UFSP2: variants seen among roughly 807,000 people sequenced by gnomAD.
The protein encoded by UFSP2 is ufm1-specific protease 2.
In UFSP2, 43 loss-of-function variants were observed where a neutral mutation model predicts 60.2. That is an observed-to-expected ratio of 0.71 (90% CI 0.56 to 0.92). The LOEUF is 0.92. UFSP2 is among the 40% of genes least tolerant of loss of function. The pLI is 0.00. For missense variants in UFSP2, 520 were observed against 575.0 expected (o/e 0.90, Z 0.98); for synonymous variants, 183 against 195.1 (o/e 0.94, Z 0.52).
chr4:185,400,235 TA>T lies in UFSP2; in HGVS notation c.*156del. 1 of 733,278 alleles carries T rather than the reference TA, an allele frequency of 1.4e-6. No individual in the cohort carries two copies. The highest frequency in any genetic ancestry group is 2.2e-6 in the Non-Finnish European group (1 of 456,688). 45.4% of individuals were successfully genotyped at this position (733,278 alleles called of 1,614,324 possible). On this transcript the variant is annotated 3_prime_UTR_variant, in exon 12 of 12. Transcript: ENST00000264689. ...TCTTTTAAGTTATTAAAGGAACGTC[TA>T]AAAAATACATTCTCCGTGCAGTATT... is the stretch of plus-strand genomic sequence containing the variant.
intron 7 of UFSP2, among the ~76,000 whole-genome samples, chr4:185,408,716 A>G (rs566676236): frequency 6.6e-6 from 1 of 152,154 alleles, no homozygotes; most frequent in South Asian, 2.1e-4. Context: ...TTCGGTTCCC[A>G]TATACCAGGG....
chr4:185,402,294 A>G (rs6823895), intron 11 of UFSP2: 31,551 of 455,120 alleles, frequency 0.069, 1,945 homozygotes, highest in African/African-American at 0.23. Flanking sequence ...TATATTCAGT[A>G]AGATACATGC....
intron 9 of UFSP2, chr4:185,406,221 T>C (rs2095520221): frequency 7.3e-6 from 2 of 273,536 alleles, no homozygotes; most frequent in Non-Finnish European, 1.5e-5. Context: ...TCCTGGGTTC[T>C]TGCCTTCTTG....
intron 10 of UFSP2, among the ~76,000 whole-genome samples, chr4:185,403,988 C>A (rs6837254): frequency 0.71 from 84,695 of 120,026 alleles, 31,501 homozygotes; most frequent in East Asian, 0.92. Context: ...CAAAAAAAAA[C>A]AACATTACTT....
intron 2 of UFSP2, among the ~76,000 whole-genome samples, chr4:185,420,833 G>A (rs2095548150): frequency 6.6e-6 from 1 of 152,188 alleles, no homozygotes; most frequent in African/African-American, 2.4e-5. Context: ...ATACAATCAA[G>A]TCAGAAGACA....
At chr4:185,408,178 G>T in intron 8 of UFSP2, 93 bp downstream of exon 8, 1 of 1,539,874 alleles carries the variant, frequency 6.5e-7, no homozygotes, top group Non-Finnish European at 8.9e-7. Flanking sequence ...ACAGAAATAA[G>T]TCTGCACCAT....
Position 185,403,757 on chromosome 4 carries a change from G to A in UFSP2, c.1199-139C>T, listed in dbSNP as rs867640912. ...GCACTTTGGGAGGTGGGTGGATCAC[G>A]AGGTCAGGAGATGGAGACCATCCTG... On this transcript the variant is annotated intron_variant, in intron 10 of 11. Transcript: ENST00000264689. 1.2e-5 allele frequency: 12 copies of A among 1,018,464 alleles called. No individual in the cohort carries two copies. The African/African-American group carries it at 1.3e-4, about 11-fold the overall frequency. 63.1% of individuals were successfully genotyped at this position (1,018,464 alleles called of 1,614,324 possible).
chr4:185,418,892 T>G, intron 2 of UFSP2, 122 bp from the exon 3 acceptor site: 1 of 753,692 alleles, frequency 1.3e-6, no homozygotes, highest in Non-Finnish European at 1.9e-6. Flanking sequence ...TATTCAATAA[T>G]AATTTCAAAA....
At position 185,399,757 on chromosome 4, in the gene UFSP2, G is replaced by A. The variant is rs1561104013; in HGVS notation, c.*635C>T. The A allele has an allele frequency of 6.2e-7, 1 of 1,614,022 alleles. No individual in the cohort carries two copies. The highest frequency in any genetic ancestry group is 1.7e-5 in the Admixed American group (1 of 59,992). ...TCTCGGAAGTGTAGAAAATACCAGT[G>A]GGAAAAGGAAGTGCTGGTAAGTAAC... On this transcript the variant is annotated 3_prime_UTR_variant, in exon 12 of 12. Coordinates refer to ENST00000264689, the MANE Select transcript of UFSP2 (RefSeq NM_018359.5).
chr4:185,405,399 A>G (rs1289971117), intron 10 of UFSP2, among the ~76,000 whole-genome samples: 1 of 152,180 alleles, frequency 6.6e-6, no homozygotes, highest in Non-Finnish European at 1.5e-5. Context: ...AGCTAATCCA[A>G]TCTTCTTATT....
chr4:185,418,069 A>ACACACACACACACACACACACACACAC (rs1422329406), intron 4 of UFSP2, among the ~76,000 whole-genome samples: 6 of 22,782 alleles, frequency 2.6e-4, no homozygotes, highest in African/African-American at 1.1e-3. Flanking sequence ...CACACACACA[A>ACACACACACACACACACACACACACAC]ACAACAGAAC....
rs79134968 is a variant in UFSP2, at chr4:185,408,946, T to C, written c.832-511A>G. Among the ~76,000 whole-genome samples, 888 of 152,298 alleles carry C rather than the reference T, an allele frequency of 5.8e-3. 5 individuals carry two copies. The highest frequency in any genetic ancestry group is 0.02 in the African/African-American group (834 of 41,558). On this transcript the variant is annotated intron_variant, in intron 7 of 11. Transcript: ENST00000264689. Reference sequence around the variant, plus strand: ...CTTTATGTTTTTATTTTTCAAAGTATATCATGACTTGATATACTTTAAATG... The same window carrying C: ...CTTTATGTTTTTATTTTTCAAAGTACATCATGACTTGATATACTTTAAATG...
At chr4:185,420,474 G>A (rs1204455186) in intron 2 of UFSP2, among the ~76,000 whole-genome samples, 1 of 151,988 alleles carries the variant, frequency 6.6e-6, no homozygotes, top group Non-Finnish European at 1.5e-5. Flanking sequence ...TTTATTCAAT[G>A]ACCTGATTCT....
intron 11 of UFSP2, among the ~76,000 whole-genome samples, chr4:185,403,035 T>C (rs1013085053): frequency 3.3e-5 from 5 of 152,216 alleles, no homozygotes; most frequent in African/African-American, 1.2e-4. Flanking sequence ...ATGTATCAAC[T>C]TCAAACCCTT....
At chr4:185,406,184 G>T in intron 9 of UFSP2, 1 of 334,738 alleles carries the variant, frequency 3.0e-6, no homozygotes, top group Non-Finnish European at 5.8e-6. Flanking sequence ...TCTTATGGAT[G>T]GATTAATCAG....
chr4:185,405,979 TA>T, intron 9 of UFSP2, 123 bp from the exon 10 acceptor site: 2 of 1,538,472 alleles, frequency 1.3e-6, no homozygotes, highest in Non-Finnish European at 8.7e-7. Flanking sequence ...TATATAAATG[TA>T]AAAAAATTAA....
Position 185,418,862 on chromosome 4 carries a change from C to T in UFSP2, c.83-92G>A, listed in dbSNP as rs535517408. ...TACACAAAAGTAGAGCATAGTAAAA[C>T]TCTCAATACCTATTCCCCATATTCA... On this transcript the variant is annotated intron_variant, in intron 2 of 11. Coordinates refer to ENST00000264689, the MANE Select transcript of UFSP2 (RefSeq NM_018359.5). The T allele has an allele frequency of 9.3e-5, 88 of 944,466 alleles. No individual in the cohort carries two copies. The East Asian group carries it at 2.1e-3, about 22-fold the overall frequency. The allele number at this position is 944,466 out of a possible 1,614,324, so 58.5% of individuals were successfully genotyped here. A position where few individuals can be genotyped will look rare whatever the true frequency, so the allele number is the denominator to read the frequency against.
In UFSP2 at chr4:185,425,846, T is replaced by G. The variant is rs757833070; in HGVS notation, c.3+20A>C. Reference sequence around the variant, plus strand: ...GTCCGGGGAAAAACACAGGGGTCGGTGACGAGCAGAGATACTCACCATGTC... The same window carrying G: ...GTCCGGGGAAAAACACAGGGGTCGGGGACGAGCAGAGATACTCACCATGTC... On this transcript the variant is annotated intron_variant, in intron 1 of 11. Transcript: ENST00000264689. The G allele has an allele frequency of 6.2e-6, 10 of 1,602,448 alleles. No individual in the cohort carries two copies. Among genetic ancestry groups the G allele is most frequent in the Admixed American group, 1.7e-5 (1 of 58,318 alleles).
In UFSP2 at chr4:185,400,310, G is replaced by T; in HGVS notation, c.*82C>A. The T allele has an allele frequency of 1.8e-6, 2 of 1,139,622 alleles. No homozygotes were observed. The highest frequency in any genetic ancestry group is 2.6e-6 in the Non-Finnish European group (2 of 780,202). 70.6% of individuals were successfully genotyped at this position (1,139,622 alleles called of 1,614,324 possible). On this transcript the variant is annotated 3_prime_UTR_variant, in exon 12 of 12. Coordinates refer to ENST00000264689, the MANE Select transcript of UFSP2 (RefSeq NM_018359.5). ...ATTTAAATCGTCAAACTAGAACCAG[G>T]ATTTAATGTGAAAAATTAAACTGAT... is the stretch of plus-strand genomic sequence containing the variant.
Sources: allele counts gnomAD v4.1 joint callset (sites outside exome capture counted in the v4.1 genomes callset), GRCh38; gene constraint gnomAD v4.1.1; transcripts MANE v1.5; gene names NCBI Gene and HGNC (gene_info 2026-07-23, HGNC 2026-07-21).